The following PCDH15 variants were observed in gnomAD, a reference collection of about 807,000 sequenced individuals.
PCDH15 encodes protocadherin related 15, also known as protocadherin-15.
Under a neutral mutation model 178.5 loss-of-function variants are expected in PCDH15, and 129 were observed. That is an observed-to-expected ratio of 0.72 (90% CI 0.63 to 0.84). PCDH15 has a LOEUF of 0.84. PCDH15 is among the 40% of genes least tolerant of loss of function. PCDH15 has a pLI of 0.00. For synonymous variants in PCDH15, 800 were observed against 732.0 expected (o/e 1.09, Z -1.50); for missense variants, 2,230 against 2,099.9 (o/e 1.06, Z -1.21).
At chr10:54,620,241 G>A (rs1362460104) in intron 2 of PCDH15, among the ~76,000 whole-genome samples, 35 of 151,910 alleles carry the variant, frequency 2.3e-4, no homozygotes, top group African/African-American at 8.0e-4. Context: ...AAATAATACT[G>A]TGAACCCATA....
chr10:53,845,386 A>C (rs926395918), intron 28 of PCDH15, among the ~76,000 whole-genome samples: 14 of 151,950 alleles, frequency 9.2e-5, no homozygotes, highest in Non-Finnish European at 1.9e-4. Context: ...TATACATCCA[A>C]AAGAAAGAAA....
At chr10:55,610,640 G>C (rs1479518570) in intron 2 of PCDH15, among the ~76,000 whole-genome samples, 2 of 152,050 alleles carry the variant, frequency 1.3e-5, no homozygotes, top group African/African-American at 4.8e-5. Context: ...ATACTTAAGA[G>C]CTTAAAAGAT....
intron 3 of PCDH15, among the ~76,000 whole-genome samples, chr10:54,474,741 T>C: frequency 6.6e-6 from 1 of 151,964 alleles, no homozygotes; most frequent in Non-Finnish European, 1.5e-5. Flanking sequence ...GCTACAAATG[T>C]CACATGACTG....
chr10:54,888,004 A>G (rs1954389787), intron 3 of PCDH15, among the ~76,000 whole-genome samples: 1 of 152,156 alleles, frequency 6.6e-6, no homozygotes, highest in East Asian at 1.9e-4. Flanking sequence ...AAGGCTGTCC[A>G]CAATGAGTAT....
chr10:55,582,999 G>C (rs1842654585), intron 2 of PCDH15, among the ~76,000 whole-genome samples: 1 of 151,888 alleles, frequency 6.6e-6, no homozygotes, highest in South Asian at 2.1e-4. Flanking sequence ...TTAAGCTATG[G>C]ATAGCAAATT....
chr10:54,848,916 G>A (rs1446794773), intron 3 of PCDH15, among the ~76,000 whole-genome samples: 1 of 152,094 alleles, frequency 6.6e-6, no homozygotes, highest in Non-Finnish European at 1.5e-5. Context: ...GAAGACTAAA[G>A]AAAATTGAAA....
chr10:54,122,874 T>TA (rs34113865), intron 15 of PCDH15, among the ~76,000 whole-genome samples: 3,197 of 143,714 alleles, frequency 0.022, 47 homozygotes, highest in African/African-American at 0.036. Context: ...AAAACACTGC[T>TA]AAAAAAAAAA....
chr10:54,649,655 ATGTGTGTGTG>A (rs974912819), intron 2 of PCDH15, among the ~76,000 whole-genome samples: 1 of 151,846 alleles, frequency 6.6e-6, no homozygotes, highest in African/African-American at 2.4e-5. Flanking sequence ...ATGTGTGTGT[ATGTGTGTGTG>A]TGAGTAAATT....
chr10:54,316,952 A>C (rs2061314471), intron 8 of PCDH15, among the ~76,000 whole-genome samples: 1 of 152,192 alleles, frequency 6.6e-6, no homozygotes, highest in African/African-American at 2.4e-5. Flanking sequence ...TATGAATTTA[A>C]GAAAATGCTG....
intron 1 of PCDH15, among the ~76,000 whole-genome samples, chr10:55,258,546 A>G (rs988109624): frequency 1.3e-5 from 2 of 152,038 alleles, no homozygotes; most frequent in African/African-American, 4.8e-5. Flanking sequence ...CCTCAGTTGA[A>G]TCTTTTTCTT....
chr10:54,888,013 A>AT, intron 3 of PCDH15, among the ~76,000 whole-genome samples: 1 of 152,198 alleles, frequency 6.6e-6, no homozygotes, highest in Non-Finnish European at 1.5e-5. Flanking sequence ...CACAATGAGT[A>AT]TTTTTTAAAT....
intron 2 of PCDH15, among the ~76,000 whole-genome samples, chr10:55,512,514 C>A (rs1840908751): frequency 6.6e-6 from 1 of 151,846 alleles, no homozygotes; most frequent in Non-Finnish European, 1.5e-5. Context: ...TCTCTCTTTG[C>A]CTAGGTCAAT....
At chr10:54,737,277 G>A (rs1944245526) in intron 1 of PCDH15, among the ~76,000 whole-genome samples, 1 of 152,086 alleles carries the variant, frequency 6.6e-6, no homozygotes, top group Admixed American at 6.6e-5. Context: ...GCACATAAGA[G>A]GTGTCTGATT....
At chr10:54,470,599 G>A (rs1164775496) in intron 3 of PCDH15, among the ~76,000 whole-genome samples, 1 of 152,116 alleles carries the variant, frequency 6.6e-6, no homozygotes, top group African/African-American at 2.4e-5. Flanking sequence ...TCCTATGATA[G>A]TTTCAGTGCC....
intron 3 of PCDH15, among the ~76,000 whole-genome samples, chr10:54,393,206 A>T (rs1215861044): frequency 6.6e-6 from 1 of 152,208 alleles, no homozygotes; most frequent in Non-Finnish European, 1.5e-5. Context: ...TATGAAGTCA[A>T]GTACCTTTCT....
rs889833551 is a variant in PCDH15 at position 54,751,643 on chromosome 10, G to A, written c.-29+49282C>T. On this transcript the variant is annotated intron_variant, in intron 1 of 37. Transcript: ENST00000644397. ...ACTATCTAGAAAATTTCAAAGTTCA[G>A]ACTCAAAAATCACTTCTTTGAATCC... Among the ~76,000 whole-genome samples, 73 of 152,088 alleles carry A rather than the reference G, an allele frequency of 4.8e-4. 1 individual carries two copies. Among genetic ancestry groups the A allele is most frequent in the African/African-American group, 1.7e-3 (72 of 41,434 alleles).
chr10:55,582,181 G>A (rs547586712), intron 2 of PCDH15, among the ~76,000 whole-genome samples: 1 of 152,318 alleles, frequency 6.6e-6, no homozygotes, highest in South Asian at 2.1e-4. Context: ...AAGCCGTGCT[G>A]TACTGTGCAA....
At chr10:55,479,734 AT>A (rs76562421) in intron 2 of PCDH15, among the ~76,000 whole-genome samples, 6,727 of 151,732 alleles carry the variant, frequency 0.044, 409 homozygotes, top group East Asian at 0.29. Flanking sequence ...TGCAGACAGC[AT>A]GATCTTTATA....
intron 1 of PCDH15, among the ~76,000 whole-genome samples, chr10:54,685,568 G>A (rs74136243): frequency 0.036 from 5,444 of 152,194 alleles, 347 homozygotes; most frequent in African/African-American, 0.13. Context: ...GTTGTACATT[G>A]TTGACCAAAA....
Sources: gnomAD v4.1 joint callset for allele counts (sites outside exome capture counted in the v4.1 genomes callset) on GRCh38, gnomAD v4.1.1 for gene constraint, MANE v1.5 for transcripts, NCBI Gene and HGNC (gene_info 2026-07-23, HGNC 2026-07-21) for gene names.